PARD3B: variants seen among roughly 807,000 people sequenced by gnomAD.
PARD3B encodes the protein partitioning defective 3 homolog B.
Under a neutral mutation model 130.2 loss-of-function variants are expected in PARD3B, and 103 were observed. The observed-to-expected ratio is 0.79, with a 90% CI of 0.67 to 0.93. PARD3B has a LOEUF of 0.93. Ranked by LOEUF, PARD3B falls within the 40% of genes least tolerant of loss-of-function variation. The pLI is 0.00. For missense variants in PARD3B, 1,609 were observed against 1,499.2 expected, an observed-to-expected ratio of 1.07 and a Z score of -1.21; for synonymous variants, 583 against 553.2, an observed-to-expected ratio of 1.05 and a Z score of -0.76.
chr2:204,987,655 A>T (rs1001669085), intron 3 of PARD3B, among the ~76,000 whole-genome samples: 1 of 152,194 alleles, frequency 6.6e-6, no homozygotes. Flanking sequence ...CAAATTAACA[A>T]ATTAAACTCT....
chr2:204,683,326 T>C (rs1249184509), intron 1 of PARD3B, among the ~76,000 whole-genome samples: 1 of 152,180 alleles, frequency 6.6e-6, no homozygotes, highest in Non-Finnish European at 1.5e-5. Context: ...CATAAAAATA[T>C]AGTAATTTTT....
At position 205,302,068 on chromosome 2, in the gene PARD3B, T is replaced by TTTC. The variant is rs1553665425; in HGVS notation, c.2630+369_2630+370insCTT. On this transcript the variant is annotated intron_variant, in intron 18 of 22. Transcript: ENST00000406610. The stretch of plus-strand genomic sequence containing the variant: ...TTCTTTTTTTCTTTTTTCTTTTCTT[T>TTTC]TTTTTTTTTTTTTTTTTTTTGAGAC... 4.0e-5 allele frequency among the ~76,000 whole-genome samples: 5 copies of TTTC among 124,442 alleles called. No homozygotes were observed. In the Admixed American group the frequency reaches 4.1e-4, roughly 10 times the overall value. 81.6% of individuals were successfully genotyped at this position (124,442 alleles called of 152,430 possible).
Position 205,575,315 on chromosome 2 carries a change from T to C in PARD3B, c.3260+21912T>C, listed in dbSNP as rs1399445547. On this transcript the variant is annotated intron_variant, in intron 22 of 22. Transcript: ENST00000406610. The surrounding 1 kb of genome is among the most constrained non-coding windows in gnomAD (Gnocchi z 4.6). ...CTCAACACATGCGTAACTTCCCTCATTACCAACATTCCCAACTGCAGTGGT... is the reference window on the plus strand; with the variant it reads ...CTCAACACATGCGTAACTTCCCTCACTACCAACATTCCCAACTGCAGTGGT... Among the ~76,000 whole-genome samples the C allele has an allele frequency of 6.6e-6, 1 of 151,960 alleles. No individual in the cohort carries two copies. Among genetic ancestry groups the C allele is most frequent in the Non-Finnish European group, 1.5e-5 (1 of 67,996 alleles).
At chr2:205,238,726 G>C (rs1242181692) in intron 15 of PARD3B, among the ~76,000 whole-genome samples, 1 of 149,560 alleles carries the variant, frequency 6.7e-6, no homozygotes, top group Non-Finnish European at 1.5e-5. Context: ...CAGATACTTG[G>C]GAGGCTGAGG....
At chr2:205,167,509 T>G (rs2125735248) in intron 11 of PARD3B, among the ~76,000 whole-genome samples, 1 of 152,318 alleles carries the variant, frequency 6.6e-6, no homozygotes, top group East Asian at 1.9e-4. Context: ...ACATCTGCTT[T>G]TAGAAACATG....
At position 205,128,737 on chromosome 2, in the gene PARD3B, T is replaced by C. The variant is rs971678872; in HGVS notation, c.1434+3000T>C. Among the ~76,000 whole-genome samples, 1 of 152,214 alleles carries C rather than the reference T, an allele frequency of 6.6e-6. No homozygotes were observed. The highest frequency in any genetic ancestry group is 1.5e-5 in the Non-Finnish European group (1 of 68,030). On this transcript the variant is annotated intron_variant, in intron 10 of 22. Coordinates refer to ENST00000406610, the MANE Select transcript of PARD3B (RefSeq NM_001302769.2). This position sits in a 1 kb window ranked among gnomAD's most constrained non-coding sequence, Gnocchi z 4.5. ...TGTAAACACAATTCTATACTCTAGA[T>C]ATATTATGGGGTAGATAGATTTATG...
chr2:204,682,553 G>A (rs2036884754), intron 1 of PARD3B, among the ~76,000 whole-genome samples: 1 of 152,272 alleles, frequency 6.6e-6, no homozygotes, highest in Non-Finnish European at 1.5e-5. Context: ...GACCATTGCT[G>A]TTGTGTTCCA....
At chr2:204,958,921 T>G (rs1201996707) in intron 2 of PARD3B, among the ~76,000 whole-genome samples, 1 of 152,194 alleles carries the variant, frequency 6.6e-6, no homozygotes, top group Non-Finnish European at 1.5e-5. Flanking sequence ...GATCTGTTAT[T>G]CAGGGTCATG....
intron 2 of PARD3B, among the ~76,000 whole-genome samples, chr2:204,791,018 T>C (rs1344517993): frequency 2.0e-5 from 3 of 151,850 alleles, no homozygotes; most frequent in Non-Finnish European, 2.9e-5. Context: ...GGCAGGAGAA[T>C]CACTTGAACC....
chr2:205,030,615 C>T (rs146964017), intron 3 of PARD3B, among the ~76,000 whole-genome samples: 7 of 152,180 alleles, frequency 4.6e-5, no homozygotes, highest in African/African-American at 1.4e-4. Flanking sequence ...CTTTTTATCT[C>T]TTTAAAACTA....
At chr2:205,296,980 A>G (rs2041821862) in intron 16 of PARD3B, among the ~76,000 whole-genome samples, 1 of 151,940 alleles carries the variant, frequency 6.6e-6, no homozygotes, top group Non-Finnish European at 1.5e-5. Flanking sequence ...CTTGAGAATA[A>G]TTTTTATGTG....
chr2:205,301,447 A>AT lies in PARD3B; in HGVS notation c.2393-11dup. The AT allele has an allele frequency of 6.3e-7, 1 of 1,588,364 alleles. No individual in the cohort carries two copies. The highest frequency in any genetic ancestry group is 8.5e-7 in the Non-Finnish European group (1 of 1,171,262). ...GTGCCCCTGACCATGGGTATTGATT[A>AT]TTTTTTCTCTGTACAGACGGTCTGT... On this transcript the variant is annotated splice_polypyrimidine_tract_variant and intron_variant, in intron 17 of 22. Coordinates refer to ENST00000406610, the MANE Select transcript of PARD3B (RefSeq NM_001302769.2). The surrounding 1 kb of genome is among the most constrained non-coding windows in gnomAD (Gnocchi z 5.2).
chr2:204,720,533 G>T (rs895683968), intron 2 of PARD3B, among the ~76,000 whole-genome samples: 21 of 152,170 alleles, frequency 1.4e-4, no homozygotes, highest in African/African-American at 4.3e-4. Context: ...ATATGAAAAA[G>T]AAATCAGATG....
rs2042899967 is a variant in PARD3B, at chr2:205,325,276, G to A, written c.2630+23575G>A. Among the ~76,000 whole-genome samples, 2 of 152,070 alleles carry A rather than the reference G, an allele frequency of 1.3e-5. No homozygotes were observed. The highest frequency in any genetic ancestry group is 1.3e-4 in the Admixed American group (2 of 15,260). On this transcript the variant is annotated intron_variant, in intron 18 of 22. Transcript: ENST00000406610. The surrounding 1 kb of genome is among the most constrained non-coding windows in gnomAD (Gnocchi z 4.1). ...TGTTCAACCTTTATACTTTTATGCT[G>A]CCATAGATAAGTACATAAAATTATC...
intron 2 of PARD3B, among the ~76,000 whole-genome samples, chr2:204,831,861 C>T (rs1264958456): frequency 6.6e-6 from 1 of 151,920 alleles, no homozygotes; most frequent in African/African-American, 2.4e-5. Flanking sequence ...GAGTTTGTGA[C>T]AATGGGTATA....
intron 10 of PARD3B, among the ~76,000 whole-genome samples, chr2:205,134,608 G>C (rs765350967): frequency 6.6e-6 from 1 of 152,168 alleles, no homozygotes; most frequent in Non-Finnish European, 1.5e-5. Flanking sequence ...TGTGCAATGT[G>C]CTCAGAGACT....
intron 3 of PARD3B, among the ~76,000 whole-genome samples, chr2:205,046,534 AT>A (rs1434116795): frequency 4.0e-5 from 6 of 151,622 alleles, no homozygotes; most frequent in Non-Finnish European, 5.9e-5. Context: ...AGATAAAAAA[AT>A]ATTTGCAATT....
chr2:204,876,761 T>C (rs1412884733), intron 2 of PARD3B, among the ~76,000 whole-genome samples: 1 of 152,136 alleles, frequency 6.6e-6, no homozygotes, highest in African/African-American at 2.4e-5. Context: ...ATTTTACCAG[T>C]AGGGGCCTCT....
chr2:205,094,257 G>A (rs1702275052), intron 4 of PARD3B, among the ~76,000 whole-genome samples: 1 of 152,198 alleles, frequency 6.6e-6, no homozygotes. Context: ...ATGACAAAGT[G>A]AATGGCGAAA....
Sources: gnomAD v4.1 joint callset for allele counts (sites outside exome capture counted in the v4.1 genomes callset) on GRCh38, gnomAD v4.1.1 for gene constraint, Gnocchi (gnomAD v3.1) non-coding constraint, MANE v1.5 for transcripts, NCBI Gene and HGNC (gene_info 2026-07-23, HGNC 2026-07-21) for gene names.